Variants in AGAP1 observed in about 807,000 individuals in gnomAD.
AGAP1 encodes the protein ArfGAP with GTPase domain, ankyrin repeat and PH domain 1.
A neutral mutation model predicts 105.3 loss-of-function variants in AGAP1; 29 were observed. The observed-to-expected ratio is 0.28, with a 90% CI of 0.21 to 0.38. AGAP1 has a LOEUF of 0.38. Ranked by LOEUF, AGAP1 falls within the 10% of genes least tolerant of loss-of-function variation. The probability of loss-of-function intolerance (pLI) is 1.00; values close to 1 mark genes in which losing one functional copy is unlikely to be tolerated. For synonymous variants in AGAP1, 509 were observed against 485.9 expected, an observed-to-expected ratio of 1.05 and a Z score of -0.63; for missense variants, 998 against 1,165.1, an observed-to-expected ratio of 0.86 and a Z score of 2.09.
chr2:235,508,216 T>C (rs745708833), intron 1 of AGAP1, among the ~76,000 whole-genome samples: 1 of 152,242 alleles, frequency 6.6e-6, no homozygotes, highest in Non-Finnish European at 1.5e-5. Flanking sequence ...ATGTCTTTGC[T>C]ATTGTGAATA....
Position 235,574,134 on chromosome 2 carries a change from C to T in AGAP1, c.163+79285C>T, listed in dbSNP as rs557138314. 2.0e-5 allele frequency among the ~76,000 whole-genome samples: 3 copies of T among 152,336 alleles called. No homozygotes were observed. Among genetic ancestry groups the T allele is most frequent in the South Asian group, 2.1e-4 (1 of 4,826 alleles). On this transcript the variant is annotated intron_variant, in intron 1 of 17. Transcript: ENST00000304032. The surrounding 1 kb of genome is among the most constrained non-coding windows in gnomAD (Gnocchi z 5.0). ...ATCACCTAAAAGTTGTCATCAGCTTCATTAGCAGCACTCAGGCCCAGCTGG... is the reference window on the plus strand; with the variant it reads ...ATCACCTAAAAGTTGTCATCAGCTTTATTAGCAGCACTCAGGCCCAGCTGG...
rs538722791 is a variant in AGAP1, at chr2:235,578,513, G to A, written c.163+83664G>A. On this transcript the variant is annotated intron_variant, in intron 1 of 17. Transcript: ENST00000304032. This position sits in a 1 kb window ranked among gnomAD's most constrained non-coding sequence, Gnocchi z 4.9. ...CAGTTTAAAAAATTACAGACTGGAC[G>A]CAGTGGCTTATGCCACCCCAGCACT... 1.3e-5 allele frequency among the ~76,000 whole-genome samples: 2 copies of A among 152,146 alleles called. No homozygotes were observed. Among genetic ancestry groups the A allele is most frequent in the Non-Finnish European group, 2.9e-5 (2 of 68,028 alleles).
At chr2:235,512,931 C>T (rs762910821) in intron 1 of AGAP1, among the ~76,000 whole-genome samples, 2 of 152,218 alleles carry the variant, frequency 1.3e-5, no homozygotes, top group African/African-American at 4.8e-5. Flanking sequence ...GCAGGGCTCC[C>T]GGCCGGCCTA....
chr2:235,854,019 C>G (rs1314312818), intron 9 of AGAP1, among the ~76,000 whole-genome samples: 1 of 152,022 alleles, frequency 6.6e-6, no homozygotes, highest in African/African-American at 2.4e-5. Context: ...TCCAGGCTTT[C>G]TTTGAGTGTA....
rs554087087 is a variant in AGAP1, at chr2:235,546,325, T to C, written c.163+51476T>C. On this transcript the variant is annotated intron_variant, in intron 1 of 17. Transcript: ENST00000304032. ...TCCTGCCTTTTCAGGTCCTTGATTA[T>C]ATCCCACAAAGAGAAATAGATGGCT... Among the ~76,000 whole-genome samples, 6 of 152,310 alleles carry C rather than the reference T, an allele frequency of 3.9e-5. No individual in the cohort carries two copies. The South Asian group carries it at 6.2e-4, about 16-fold the overall frequency.
chr2:235,716,773 G>A lies in AGAP1; in HGVS notation c.223-784G>A, dbSNP rs1951128308. On this transcript the variant is annotated intron_variant, in intron 2 of 17. Transcript: ENST00000304032. This position sits in a 1 kb window ranked among gnomAD's most constrained non-coding sequence, Gnocchi z 4.0. ...AGGATCGGCCACTTGGAGGCTGGGA[G>A]GCCAGGTGTGTCTCCTGTGTCAACA... Among the ~76,000 whole-genome samples, 1 of 152,076 alleles carries A rather than the reference G, an allele frequency of 6.6e-6. No homozygotes were observed.
At position 235,615,376 on chromosome 2, in the gene AGAP1, A is replaced by G. The variant is rs1359280444; in HGVS notation, c.164-93803A>G. On this transcript the variant is annotated intron_variant, in intron 1 of 17. Coordinates refer to ENST00000304032, the MANE Select transcript of AGAP1 (RefSeq NM_001037131.3). This position sits in a 1 kb window ranked among gnomAD's most constrained non-coding sequence, Gnocchi z 5.0. ...TGCCAGTATTGTTACAATTGGAGTG[A>G]TCTCATATGACCAAAAGTTGGAATG... Among the ~76,000 whole-genome samples the G allele has an allele frequency of 1.3e-5, 2 of 152,156 alleles. No homozygotes were observed. The highest frequency in any genetic ancestry group is 1.3e-4 in the Admixed American group (2 of 15,278).
At chr2:235,683,260 C>T (rs1260078832) in intron 1 of AGAP1, among the ~76,000 whole-genome samples, 11 of 146,872 alleles carry the variant, frequency 7.5e-5, no homozygotes, top group Admixed American at 6.7e-4. Flanking sequence ...GAGCTGAGAT[C>T]GCACCACTGC....
In AGAP1 at chr2:235,660,174, G is replaced by A. The variant is rs1271633014; in HGVS notation, c.164-49005G>A. On this transcript the variant is annotated intron_variant, in intron 1 of 17. Transcript: ENST00000304032. The surrounding 1 kb of genome is among the most constrained non-coding windows in gnomAD (Gnocchi z 5.3). Reference sequence around the variant, plus strand: ...TCAGGGGGGCGGCCACCCAAGATCAGCTGCGGCTGAGGATTTTTGTGGCTA... The same window carrying A: ...TCAGGGGGGCGGCCACCCAAGATCAACTGCGGCTGAGGATTTTTGTGGCTA... 6.6e-6 allele frequency among the ~76,000 whole-genome samples: 1 copy of A among 152,202 alleles called. No individual in the cohort carries two copies. The highest frequency in any genetic ancestry group is 1.5e-5 in the Non-Finnish European group (1 of 68,044).
intron 16 of AGAP1, among the ~76,000 whole-genome samples, chr2:236,111,646 G>A (rs1366400248): frequency 6.6e-6 from 1 of 151,992 alleles, no homozygotes; most frequent in Admixed American, 6.6e-5. Flanking sequence ...CAAAAAATTA[G>A]CCAAGCATGG....
Position 236,035,553 on chromosome 2 carries a change from G to A in AGAP1, c.1646-1008G>A, listed in dbSNP as rs1409458761. 6.6e-6 allele frequency among the ~76,000 whole-genome samples: 1 copy of A among 152,194 alleles called. No individual in the cohort carries two copies. The highest frequency in any genetic ancestry group is 1.5e-5 in the Non-Finnish European group (1 of 68,038). On this transcript the variant is annotated intron_variant, in intron 13 of 17. Transcript: ENST00000304032. This position sits in a 1 kb window ranked among gnomAD's most constrained non-coding sequence, Gnocchi z 4.2. ...AAGGCAGGCTCGCTTGAGCCTGGGA[G>A]GTGGAAGATATAATGAGCTGTGATT...
Position 235,999,481 on chromosome 2 carries a change from G to A in AGAP1, c.1645+30858G>A, listed in dbSNP as rs996558885. 2.0e-5 allele frequency among the ~76,000 whole-genome samples: 3 copies of A among 150,854 alleles called. No individual in the cohort carries two copies. In the East Asian group the frequency reaches 5.9e-4, roughly 30 times the overall value. ...CAATGGTAGTAGTGATTGTGGTGAC[G>A]ATGGTGAGAGGTGGTGGTGGTAGTG... On this transcript the variant is annotated intron_variant, in intron 13 of 17. Transcript: ENST00000304032.
In AGAP1 at chr2:236,120,875, G is replaced by A. The variant is rs780866774; in HGVS notation, c.2370+428G>A. On this transcript the variant is annotated intron_variant, in intron 17 of 17. Transcript: ENST00000304032. This position sits in a 1 kb window ranked among gnomAD's most constrained non-coding sequence, Gnocchi z 6.0. The stretch of plus-strand genomic sequence containing the variant: ...AGGAGTTTGTCAAAGGACTTCTTTC[G>A]AACCATTCTGATTAATTTCTACTGG... Among the ~76,000 whole-genome samples the A allele has an allele frequency of 2.0e-5, 3 of 152,188 alleles. No individual in the cohort carries two copies. The highest frequency in any genetic ancestry group is 4.4e-5 in the Non-Finnish European group (3 of 68,038).
chr2:235,651,588 A>G (rs1947596569), intron 1 of AGAP1, among the ~76,000 whole-genome samples: 2 of 152,226 alleles, frequency 1.3e-5, no homozygotes, highest in Admixed American at 1.3e-4. Context: ...TCGACGACGT[A>G]GACAGATTCA....
chr2:236,098,997 A>G (rs1041048879), intron 16 of AGAP1, among the ~76,000 whole-genome samples: 18 of 152,028 alleles, frequency 1.2e-4, no homozygotes, highest in Admixed American at 7.9e-4. Context: ...TGTAAGGACT[A>G]GAGGAAGGAG....
intron 8 of AGAP1, among the ~76,000 whole-genome samples, chr2:235,802,041 A>G (rs1007559617): frequency 6.6e-6 from 1 of 152,044 alleles, no homozygotes; most frequent in Non-Finnish European, 1.5e-5. Flanking sequence ...GAACACTTGA[A>G]GGCAGAGAGA....
rs1241669371 is a variant in AGAP1 at position 235,992,765 on chromosome 2, G to GCGTAGCCTCCTGTTAA, written c.1645+24155_1645+24170dup. Among the ~76,000 whole-genome samples, 1 of 152,184 alleles carries GCGTAGCCTCCTGTTAA rather than the reference G, an allele frequency of 6.6e-6. No individual in the cohort carries two copies. Among genetic ancestry groups the GCGTAGCCTCCTGTTAA allele is most frequent in the African/African-American group, 2.4e-5 (1 of 41,444 alleles). ...GGATGCGTCGTGGGCGCCGAGGAGA[G>GCGTAGCCTCCTGTTAA]CGTAGCCTCCTGTTAACGTAGCCTC... On this transcript the variant is annotated intron_variant, in intron 13 of 17. Transcript: ENST00000304032. This position sits in a 1 kb window ranked among gnomAD's most constrained non-coding sequence, Gnocchi z 4.8.
chr2:235,825,216 C>T (rs896869174), intron 9 of AGAP1, among the ~76,000 whole-genome samples: 8 of 152,272 alleles, frequency 5.3e-5, no homozygotes, highest in African/African-American at 1.4e-4. Flanking sequence ...CCTTCTTGAC[C>T]GAGGGGAGAG....
chr2:235,619,223 A>G (rs1215253946), intron 1 of AGAP1, among the ~76,000 whole-genome samples: 1 of 152,164 alleles, frequency 6.6e-6, no homozygotes, highest in Non-Finnish European at 1.5e-5. Flanking sequence ...GTAATAGGGA[A>G]CTCACGCAGT....
Sources: gnomAD v4.1 joint callset for allele counts (sites outside exome capture counted in the v4.1 genomes callset) on GRCh38, gnomAD v4.1.1 for gene constraint, Gnocchi (gnomAD v3.1) non-coding constraint, MANE v1.5 for transcripts, NCBI Gene and HGNC (gene_info 2026-07-23, HGNC 2026-07-21) for gene names.